The following ARMH3 variants were observed in gnomAD, a reference collection of about 807,000 sequenced individuals.
ARMH3 encodes the protein armadillo like helical domain containing 3.
Under a neutral mutation model 99.1 loss-of-function variants are expected in ARMH3, and 60 were observed. The observed-to-expected ratio is 0.61, with a 90% CI of 0.49 to 0.75. The LOEUF (loss-of-function observed/expected upper bound fraction) is 0.75. ARMH3 is among the 30% of genes least tolerant of loss of function. The pLI is 0.00. For synonymous variants in ARMH3, 285 were observed against 292.8 expected (o/e 0.97, Z 0.27); for missense variants, 679 against 843.1 (o/e 0.81, Z 2.41).
At chr10:101,936,293 ACCAGC>A (rs1243773645) in intron 23 of ARMH3, among the ~76,000 whole-genome samples, 1 of 151,556 alleles carries the variant, frequency 6.6e-6, no homozygotes, top group African/African-American at 2.4e-5. Flanking sequence ...GGAGTTCGAG[ACCAGC>A]CTGGCCAACA....
intron 15 of ARMH3, among the ~76,000 whole-genome samples, chr10:101,997,072 T>A (rs1032128931): frequency 1.3e-5 from 2 of 151,758 alleles, no homozygotes; most frequent in African/African-American, 4.8e-5. Context: ...GGAGACAAGC[T>A]TGGCCAACAT....
At chr10:102,046,986 G>T (rs1246111293) in intron 1 of ARMH3, among the ~76,000 whole-genome samples, 1 of 152,202 alleles carries the variant, frequency 6.6e-6, no homozygotes, top group African/African-American at 2.4e-5. Context: ...ATAATTGTCT[G>T]ATGTAGATAC....
At chr10:101,991,816 CACA>C (rs1846809736) in intron 18 of ARMH3, among the ~76,000 whole-genome samples, 150 bp downstream of exon 18, 1 of 152,198 alleles carries the variant, frequency 6.6e-6, no homozygotes, top group Non-Finnish European at 1.5e-5. Flanking sequence ...CTTTACCAAA[CACA>C]ACAATAAACA....
chr10:101,931,457 G>A (rs904641099), intron 23 of ARMH3, among the ~76,000 whole-genome samples: 1 of 151,560 alleles, frequency 6.6e-6, no homozygotes, highest in Non-Finnish European at 1.5e-5. Flanking sequence ...CCCAAGAGGT[G>A]GAGGTTGCAG....
At chr10:101,960,044 G>A (rs144285136) in intron 20 of ARMH3, among the ~76,000 whole-genome samples, 78 of 152,232 alleles carry the variant, frequency 5.1e-4, no homozygotes, top group Middle Eastern at 3.4e-3. Context: ...TGGGCGTGGC[G>A]GTGTGCGCCT....
intron 22 of ARMH3, among the ~76,000 whole-genome samples, chr10:101,953,784 G>T (rs1214815922): frequency 2.0e-5 from 3 of 152,100 alleles, no homozygotes; most frequent in Non-Finnish European, 2.9e-5. Context: ...TGGAGAGAAT[G>T]TAAAATAGAA....
intron 19 of ARMH3, among the ~76,000 whole-genome samples, chr10:101,983,408 A>G (rs1272715008): frequency 6.6e-6 from 1 of 152,170 alleles, no homozygotes; most frequent in Non-Finnish European, 1.5e-5. Context: ...CAGCCTCCCA[A>G]GTAGCTGGGA....
chr10:101,946,369 G>C (rs1465283253), intron 22 of ARMH3, among the ~76,000 whole-genome samples: 2 of 152,060 alleles, frequency 1.3e-5, no homozygotes, highest in Non-Finnish European at 2.9e-5. Flanking sequence ...AGTAAAGCTG[G>C]GCACAGTGGC....
At chr10:101,976,383 ATCTCTC>A (rs542700143) in intron 19 of ARMH3, among the ~76,000 whole-genome samples, 13 of 131,374 alleles carry the variant, frequency 9.9e-5, no homozygotes, top group South Asian at 4.9e-4. Context: ...AGATTAATCA[ATCTCTC>A]TCTCTCTCTC....
At chr10:101,862,639 G>C (rs2066900192) in intron 24 of ARMH3, among the ~76,000 whole-genome samples, 1 of 151,660 alleles carries the variant, frequency 6.6e-6, no homozygotes, top group African/African-American at 2.4e-5. Flanking sequence ...AAGCCTTATA[G>C]CAACCACTAA....
intron 8 of ARMH3, among the ~76,000 whole-genome samples, chr10:102,020,855 A>G (rs969686631): frequency 6.0e-5 from 9 of 151,242 alleles, no homozygotes; most frequent in African/African-American, 1.9e-4. Context: ...CTCAAAAAAA[A>G]AAAAAAAAAA....
At chr10:102,008,459 T>G (rs998509184) in intron 13 of ARMH3, among the ~76,000 whole-genome samples, 11 of 152,210 alleles carry the variant, frequency 7.2e-5, no homozygotes, top group African/African-American at 2.4e-4. Flanking sequence ...TGCCAATTAC[T>G]GTGGCTATCC....
chr10:101,864,557 G>A (rs1410591798), intron 24 of ARMH3, among the ~76,000 whole-genome samples: 1 of 152,198 alleles, frequency 6.6e-6, no homozygotes, highest in African/African-American at 2.4e-5. Flanking sequence ...GGAATCCTAT[G>A]CAGCCATAAA....
chr10:101,995,434 A>T, intron 15 of ARMH3, 79 bp from the exon 16 acceptor site: 1 of 1,195,552 alleles, frequency 8.4e-7, no homozygotes, highest in Non-Finnish European at 1.2e-6. Context: ...AAGGACGTAT[A>T]TCATAAAAGG....
chr10:102,035,451 C>T (rs538321442), intron 2 of ARMH3, among the ~76,000 whole-genome samples: 4 of 152,344 alleles, frequency 2.6e-5, no homozygotes, highest in South Asian at 2.1e-4. Context: ...CCTCTGATGC[C>T]GAGCCGAAGC....
At chr10:102,003,678 T>C (rs1274149386) in intron 14 of ARMH3, among the ~76,000 whole-genome samples, 2 of 152,196 alleles carry the variant, frequency 1.3e-5, no homozygotes, top group African/African-American at 4.8e-5. Context: ...TATGTATTCA[T>C]AACCATAACA....
chr10:101,894,203 C>A (rs1000371393), intron 23 of ARMH3, among the ~76,000 whole-genome samples: 2 of 152,152 alleles, frequency 1.3e-5, no homozygotes, highest in Non-Finnish European at 2.9e-5. Flanking sequence ...GAGTGCTAAC[C>A]TAATGTCCTG....
intron 1 of ARMH3, among the ~76,000 whole-genome samples, chr10:102,045,033 C>T (rs762855678): frequency 6.7e-5 from 10 of 149,310 alleles, no homozygotes; most frequent in Non-Finnish European, 1.5e-4. Flanking sequence ...ATACTCGGGA[C>T]GCTGAAACAG....
At position 101,847,237 on chromosome 10, in the gene ARMH3, C is replaced by T; in HGVS notation, c.*291G>A. The T allele has an allele frequency of 2.9e-6, 1 of 349,710 alleles. No individual in the cohort carries two copies. Among genetic ancestry groups the T allele is most frequent in the Non-Finnish European group, 5.4e-6 (1 of 185,168 alleles). 21.7% of individuals were successfully genotyped at this position (349,710 alleles called of 1,614,324 possible). A position where few individuals can be genotyped will look rare whatever the true frequency, so the allele number is the denominator to read the frequency against. Reference sequence around the variant, plus strand: ...TTAGTCAGTAGCTACAGCTTGTAACCTCAAGATTGGAAATGTGAGGGGCTG... The same window carrying T: ...TTAGTCAGTAGCTACAGCTTGTAACTTCAAGATTGGAAATGTGAGGGGCTG... On this transcript the variant is annotated 3_prime_UTR_variant, in exon 26 of 26. Transcript: ENST00000370033.
Sources: gnomAD v4.1 joint callset for allele counts (sites outside exome capture counted in the v4.1 genomes callset) on GRCh38, gnomAD v4.1.1 for gene constraint, MANE v1.5 for transcripts, NCBI Gene and HGNC (gene_info 2026-07-23, HGNC 2026-07-21) for gene names.